The following CNTNAP2 variants were observed in gnomAD, a reference collection of about 807,000 sequenced individuals.
The protein encoded by CNTNAP2 is contactin associated protein 2, also known as contactin-associated protein-like 2.
A neutral mutation model predicts 155.2 loss-of-function variants in CNTNAP2; 98 were observed. The ratio of observed to expected loss-of-function variants is 0.63; its 90% CI spans 0.54 to 0.75. The LOEUF is 0.75. Ranked by LOEUF, CNTNAP2 falls within the 30% of genes least tolerant of loss-of-function variation. The probability of loss-of-function intolerance (pLI) is 0.00; values close to 1 mark genes in which losing one functional copy is unlikely to be tolerated. For missense variants in CNTNAP2, 1,727 were observed against 1,688.1 expected, an observed-to-expected ratio of 1.02 and a Z score of -0.40; for synonymous variants, 651 against 631.2, an observed-to-expected ratio of 1.03 and a Z score of -0.47.
In CNTNAP2 at chr7:147,244,305, G is replaced by A. The variant is rs189277853; in HGVS notation, c.1349-55836G>A. On this transcript the variant is annotated intron_variant, in intron 8 of 23. Transcript: ENST00000361727. ...TTATCAGCTCCCGTTGGGAGATCAG[G>A]GGCCAGCAGCCTTCATTAGCCAATA... Among the ~76,000 whole-genome samples the A allele has an allele frequency of 2.7e-3, 407 of 152,268 alleles. 1 individual carries two copies. The highest frequency in any genetic ancestry group is 9.2e-3 in the African/African-American group (381 of 41,552).
chr7:146,721,192 C>T (rs947871987), intron 1 of CNTNAP2, among the ~76,000 whole-genome samples: 2 of 131,718 alleles, frequency 1.5e-5, no homozygotes, highest in African/African-American at 5.6e-5. Context: ...TATATATTCT[C>T]TATATATATT....
At chr7:147,202,188 C>G (rs1344354224) in intron 8 of CNTNAP2, among the ~76,000 whole-genome samples, 1 of 150,418 alleles carries the variant, frequency 6.6e-6, no homozygotes, top group Admixed American at 6.6e-5. Context: ...TCATAAAAGA[C>G]AGTTGCCAAA....
chr7:148,247,595 TTCTCTC>T (rs140317251), intron 20 of CNTNAP2, among the ~76,000 whole-genome samples: 1,543 of 132,866 alleles, frequency 0.012, 29 homozygotes, highest in East Asian at 0.07. Context: ...GCTTCTCCCA[TTCTCTC>T]TCTCTCTCTC....
chr7:146,909,188 G>A (rs1386050659), intron 3 of CNTNAP2, among the ~76,000 whole-genome samples: 1 of 151,340 alleles, frequency 6.6e-6, no homozygotes, highest in African/African-American at 2.4e-5. Context: ...AAGAGTCTAG[G>A]ACCAGATGGA....
intron 13 of CNTNAP2, among the ~76,000 whole-genome samples, chr7:147,817,440 A>G (rs532787469): frequency 6.6e-6 from 1 of 152,276 alleles, no homozygotes; most frequent in African/African-American, 2.4e-5. Context: ...GTATGATGTT[A>G]CATGTTGCTG....
rs1799973303 is a variant in CNTNAP2, at chr7:148,415,786, A to ATGG, written c.*170_*171insTGG. The ATGG allele has an allele frequency of 9.8e-6, 7 of 715,328 alleles. No individual in the cohort carries two copies. The highest frequency in any genetic ancestry group is 7.3e-5 in the African/African-American group (4 of 54,954). The allele number at this position is 715,328 out of a possible 1,614,324, so 44.3% of individuals were successfully genotyped here. Reference sequence around the variant, plus strand: ...ATATTCTTGAGACTGATCACAAAAAAAAAAACCTTTTTAATATTTCTTTAT... The same window carrying ATGG: ...ATATTCTTGAGACTGATCACAAAAAATGGAAAAACCTTTTTAATATTTCTTTAT... On this transcript the variant is annotated 3_prime_UTR_variant, in exon 24 of 24. Coordinates refer to ENST00000361727, the MANE Select transcript of CNTNAP2 (RefSeq NM_014141.6).
At chr7:147,827,554 G>A (rs754657433) in intron 13 of CNTNAP2, among the ~76,000 whole-genome samples, 4 of 152,104 alleles carry the variant, frequency 2.6e-5, no homozygotes, top group South Asian at 2.1e-4. Context: ...GGATATCCTC[G>A]GTGTATTTGG....
At chr7:148,167,966 T>C (rs1234624793) in intron 17 of CNTNAP2, among the ~76,000 whole-genome samples, 4 of 152,222 alleles carry the variant, frequency 2.6e-5, no homozygotes, top group African/African-American at 9.6e-5. Context: ...GCCTTAATGA[T>C]ATAATAAAAA....
intron 13 of CNTNAP2, among the ~76,000 whole-genome samples, chr7:147,866,288 C>CAGGT: frequency 6.6e-6 from 1 of 151,828 alleles, no homozygotes; most frequent in Non-Finnish European, 1.5e-5. Flanking sequence ...GTCTGAGAGA[C>CAGGT]TGTTGTCATT....
intron 11 of CNTNAP2, among the ~76,000 whole-genome samples, chr7:147,490,927 C>T (rs547021490): frequency 6.6e-6 from 1 of 152,086 alleles, no homozygotes; most frequent in Non-Finnish European, 1.5e-5. Context: ...CCTTATAAAA[C>T]CATCATCTCG....
rs149037449 is a variant in CNTNAP2, at chr7:146,448,340, A to G, written c.98-325931A>G. Among the ~76,000 whole-genome samples the G allele has an allele frequency of 5.5e-3, 836 of 152,118 alleles. 9 individuals carry two copies. Among genetic ancestry groups the G allele is most frequent in the African/African-American group, 0.019 (779 of 41,554 alleles). ...AATTGGGTCTCCTGCCTTCCAGCTC[A>G]AAATATTTCCCCTATACTCTGTAAT... is the stretch of plus-strand genomic sequence containing the variant. On this transcript the variant is annotated intron_variant, in intron 1 of 23. Transcript: ENST00000361727.
chr7:148,274,160 G>A (rs895118631), intron 21 of CNTNAP2, among the ~76,000 whole-genome samples: 4 of 152,112 alleles, frequency 2.6e-5, no homozygotes, highest in Non-Finnish European at 4.4e-5. Context: ...ACAAGCCTAA[G>A]ACAGTGATTT....
At chr7:146,385,191 A>AT (rs1223420960) in intron 1 of CNTNAP2, among the ~76,000 whole-genome samples, 1 of 151,958 alleles carries the variant, frequency 6.6e-6, no homozygotes, top group African/African-American at 2.4e-5. Context: ...ACATTTCTTA[A>AT]TTCTACTGAT....
intron 13 of CNTNAP2, among the ~76,000 whole-genome samples, chr7:147,778,647 T>C (rs2116551133): frequency 6.6e-6 from 1 of 152,288 alleles, no homozygotes; most frequent in African/African-American, 2.4e-5. Context: ...TTTGCAGATG[T>C]TCCAGAAAAA....
At chr7:146,290,148 C>T (rs1800406166) in intron 1 of CNTNAP2, among the ~76,000 whole-genome samples, 1 of 152,030 alleles carries the variant, frequency 6.6e-6, no homozygotes. Context: ...TTTTGGGAGG[C>T]CAAAGTTGGA....
chr7:147,787,096 G>C (rs1043787259), intron 13 of CNTNAP2, among the ~76,000 whole-genome samples: 1 of 152,214 alleles, frequency 6.6e-6, no homozygotes, highest in African/African-American at 2.4e-5. Context: ...CAGGGCTGAT[G>C]ATGGGAATAG....
rs1441815182 is a variant in CNTNAP2 at position 147,485,982 on chromosome 7, G to A, written c.1718G>A (p.Trp573Ter). 6.2e-7 allele frequency: 1 copy of A among 1,614,058 alleles called. No individual in the cohort carries two copies. Among genetic ancestry groups the A allele is most frequent in the Admixed American group, 1.7e-5 (1 of 60,008 alleles). ...CEHGGKCSQTWDSFKCTCDET... is the reference protein window; with the variant it reads ...CEHGGKCSQT ...CATGGTGGAAAGTGCTCGCAAACAT[G>A]GGACAGCTTCAAATGCACTTGTGAT... is the stretch of plus-strand genomic sequence containing the variant. Residue 573 changes from tryptophan to a stop codon, truncating the protein, a stop_gained, in exon 11 of 24, where the codon TGG becomes TAG. Coordinates refer to ENST00000361727, the MANE Select transcript of CNTNAP2 (RefSeq NM_014141.6). LOFTEE classifies it high-confidence loss of function.
intron 8 of CNTNAP2, among the ~76,000 whole-genome samples, chr7:147,234,101 C>T (rs1385273608): frequency 6.7e-6 from 1 of 150,284 alleles, no homozygotes; most frequent in Non-Finnish European, 1.5e-5. Context: ...GATTTTATAA[C>T]CTCAAACTCA....
chr7:147,562,653 A>C (rs778067327), intron 12 of CNTNAP2, among the ~76,000 whole-genome samples: 1 of 152,214 alleles, frequency 6.6e-6, no homozygotes, highest in African/African-American at 2.4e-5. Context: ...ACCTTCCTCG[A>C]TTCTCCATAA....
Sources: allele counts gnomAD v4.1 joint callset (sites outside exome capture counted in the v4.1 genomes callset), GRCh38; gene constraint gnomAD v4.1.1; transcripts MANE v1.5; gene names NCBI Gene and HGNC (gene_info 2026-07-23, HGNC 2026-07-21).